The following USP15 variants were observed in gnomAD, a reference collection of about 807,000 sequenced individuals.
USP15 encodes the protein ubiquitin specific peptidase 15, also known as ubiquitin carboxyl-terminal hydrolase 15.
USP15 carries 18 observed loss-of-function variants against 127.1 expected under a neutral mutation model. That is an observed-to-expected ratio of 0.14 (90% confidence interval 0.10 to 0.21). USP15 has a LOEUF of 0.21. Among genes scored for constraint, USP15 ranks in the 10% least tolerant of loss-of-function variants. The pLI is 1.00. For synonymous variants in USP15, 364 were observed against 393.7 expected, an observed-to-expected ratio of 0.92 and a Z score of 0.89; for missense variants, 805 against 1,159.9, an observed-to-expected ratio of 0.69 and a Z score of 4.44.
intron 6 of USP15, among the ~76,000 whole-genome samples, chr12:62,338,799 T>C (rs2065561269): frequency 1.3e-5 from 2 of 152,286 alleles, no homozygotes; most frequent in South Asian, 4.1e-4. Flanking sequence ...GAGTTATTTC[T>C]GGGGTCTCTG....
chr12:62,326,423 A>G (rs1005972694), intron 6 of USP15, among the ~76,000 whole-genome samples: 1 of 142,626 alleles, frequency 7.0e-6, no homozygotes, highest in Non-Finnish European at 1.6e-5. Flanking sequence ...TTTAGAACTA[A>G]TAGATCTACA....
At chr12:62,398,812 C>T (rs2067582343) in intron 20 of USP15, among the ~76,000 whole-genome samples, 1 of 152,126 alleles carries the variant, frequency 6.6e-6, no homozygotes, top group African/African-American at 2.4e-5. Context: ...CCATTACTAT[C>T]CCTGGTTATT....
intron 8 of USP15, chr12:62,374,290 G>A: frequency 5.3e-6 from 4 of 753,250 alleles, no homozygotes; most frequent in Non-Finnish European, 6.5e-6. Context: ...TTTTTTAAGG[G>A]TTGTGAGTGG....
chr12:62,383,755 C>A, intron 9 of USP15, 85 bp from the exon 10 acceptor site: 1 of 1,366,488 alleles, frequency 7.3e-7, no homozygotes, highest in Non-Finnish European at 9.8e-7. Context: ...ATGTGGAATC[C>A]ATGAATAATG....
intron 8 of USP15, among the ~76,000 whole-genome samples, chr12:62,371,318 T>C (rs2066658698): frequency 6.6e-6 from 1 of 152,198 alleles, no homozygotes; most frequent in African/African-American, 2.4e-5. Flanking sequence ...TATCCATTTC[T>C]CATGGACAAA....
intron 1 of USP15, among the ~76,000 whole-genome samples, chr12:62,287,220 G>A (rs2063813921): frequency 1.3e-5 from 2 of 152,026 alleles, no homozygotes; most frequent in East Asian, 1.9e-4. Context: ...CTCAGGTACC[G>A]TATTTGCTAC....
intron 6 of USP15, among the ~76,000 whole-genome samples, chr12:62,347,470 G>A (rs1012384896): frequency 6.6e-6 from 1 of 151,440 alleles, no homozygotes; most frequent in Non-Finnish European, 1.5e-5. Flanking sequence ...GGGAACATTC[G>A]ATTTATATAT....
intron 11 of USP15, among the ~76,000 whole-genome samples, chr12:62,385,777 C>T (rs2067129364): frequency 6.6e-6 from 1 of 152,028 alleles, no homozygotes; most frequent in Non-Finnish European, 1.5e-5. Flanking sequence ...AGTGCCAAAC[C>T]ACATCCTTAC....
At chr12:62,269,727 A>G (rs2063300072) in intron 1 of USP15, among the ~76,000 whole-genome samples, 1 of 152,114 alleles carries the variant, frequency 6.6e-6, no homozygotes, top group Admixed American at 6.6e-5. Flanking sequence ...AGCCAGACAT[A>G]ATGTGTCTGT....
At chr12:62,327,616 G>C (rs1376377452) in intron 6 of USP15, 5 of 421,070 alleles carry the variant, frequency 1.2e-5, no homozygotes, top group African/African-American at 1.1e-4. Context: ...ACTGATTTTT[G>C]CCCAAAAGAT....
chr12:62,318,600 C>T (rs1480229488), intron 4 of USP15, among the ~76,000 whole-genome samples: 2 of 152,084 alleles, frequency 1.3e-5, no homozygotes, highest in African/African-American at 4.8e-5. Flanking sequence ...GTTCTCCTGG[C>T]TTTAAATATT....
chr12:62,263,609 A>G (rs1184207936), intron 1 of USP15, among the ~76,000 whole-genome samples: 1 of 152,254 alleles, frequency 6.6e-6, no homozygotes, highest in Non-Finnish European at 1.5e-5. Context: ...TGATGTATTT[A>G]GTTCTAGACT....
At chr12:62,392,865 T>G (rs2137627148) in intron 18 of USP15, among the ~76,000 whole-genome samples, 188 bp from the exon 19 acceptor site, 1 of 152,306 alleles carries the variant, frequency 6.6e-6, no homozygotes, top group South Asian at 2.1e-4. Context: ...TTGTAATGGT[T>G]TAACCTATTT....
At chr12:62,289,554 T>C (rs2063892352) in intron 1 of USP15, among the ~76,000 whole-genome samples, 1 of 152,112 alleles carries the variant, frequency 6.6e-6, no homozygotes, top group Non-Finnish European at 1.5e-5. Flanking sequence ...AGAACTAACT[T>C]TTCATTTCAT....
intron 6 of USP15, chr12:62,327,547 T>A (rs1224720643): frequency 1.1e-5 from 4 of 370,914 alleles, no homozygotes; most frequent in Admixed American, 8.3e-5. Flanking sequence ...TGTTTGTGGA[T>A]TAATATTAAA....
chr12:62,401,114 G>T (rs2067673698), intron 20 of USP15, 73 bp from the exon 21 acceptor site: 1 of 939,376 alleles, frequency 1.1e-6, no homozygotes. Flanking sequence ...TTATATAGAT[G>T]ATTATAGAGT....
At chr12:62,388,896 GA>G (rs1324790987) in intron 11 of USP15, among the ~76,000 whole-genome samples, 2 of 152,160 alleles carry the variant, frequency 1.3e-5, no homozygotes, top group African/African-American at 2.4e-5. Context: ...TTGGGAGACT[GA>G]GGCAGAAGGT....
intron 8 of USP15, among the ~76,000 whole-genome samples, chr12:62,355,825 C>CTTTTTTTTTTTTT (rs201572809): frequency 1.6e-5 from 2 of 124,402 alleles, no homozygotes; most frequent in Non-Finnish European, 3.4e-5. Flanking sequence ...CTTTTTTTTT[C>CTTTTTTTTTTTTT]TTTTTTTTTT....
At chr12:62,381,254 A>G (rs1428417476) in intron 8 of USP15, among the ~76,000 whole-genome samples, 3 of 152,086 alleles carry the variant, frequency 2.0e-5, no homozygotes, top group African/African-American at 7.2e-5. Flanking sequence ...TGCAGATTTT[A>G]CAGCAGCGGA....
Sources: allele counts gnomAD v4.1 joint callset (sites outside exome capture counted in the v4.1 genomes callset), GRCh38; gene constraint gnomAD v4.1.1; transcripts MANE v1.5; gene names NCBI Gene and HGNC (gene_info 2026-07-23, HGNC 2026-07-21).